Variants in DPYD observed in about 807,000 individuals in gnomAD.
DPYD encodes dihydropyrimidine dehydrogenase [NADP(+)].
DPYD carries 109 observed loss-of-function variants against 116.2 expected under a neutral mutation model. The ratio of observed to expected loss-of-function variants is 0.94; its 90% confidence interval spans 0.80 to 1.10. The LOEUF (loss-of-function observed/expected upper bound fraction) is 1.10, where lower values mean the gene tolerates loss of function less well. DPYD is among the 50% of genes least tolerant of loss of function. The probability of loss-of-function intolerance (pLI) is 0.00; values close to 1 mark genes in which losing one functional copy is unlikely to be tolerated. For missense variants in DPYD, 1,302 were observed against 1,254.5 expected (o/e 1.04, Z -0.57); for synonymous variants, 440 against 432.0 (o/e 1.02, Z -0.23).
chr1:97,730,883 G>GA (rs113743840), intron 4 of DPYD, among the ~76,000 whole-genome samples: 2 of 148,508 alleles, frequency 1.3e-5, no homozygotes, highest in Non-Finnish European at 1.5e-5. Context: ...CATTAGAGTT[G>GA]AAAAAAAAAG....
chr1:97,631,604 A>C (rs573787921), intron 8 of DPYD, among the ~76,000 whole-genome samples: 1 of 152,146 alleles, frequency 6.6e-6, no homozygotes, highest in African/African-American at 2.4e-5. Context: ...AAAGGAACTA[A>C]GCCAGAGGAA....
chr1:97,626,066 G>A (rs892468580), intron 8 of DPYD, among the ~76,000 whole-genome samples: 2 of 152,052 alleles, frequency 1.3e-5, no homozygotes, highest in Non-Finnish European at 2.9e-5. Context: ...TATGGGCAAA[G>A]TGAGGTCAGA....
At chr1:97,689,181 AAATT>A (rs1177303253) in intron 7 of DPYD, among the ~76,000 whole-genome samples, 2 of 151,892 alleles carry the variant, frequency 1.3e-5, no homozygotes, top group East Asian at 3.8e-4. Context: ...TGACTTTAAA[AAATT>A]AATCTTAGAA....
At chr1:97,208,048 C>G (rs1437793626) in intron 19 of DPYD, among the ~76,000 whole-genome samples, 1 of 152,134 alleles carries the variant, frequency 6.6e-6, no homozygotes, top group African/African-American at 2.4e-5. Context: ...TGCACATGCC[C>G]AGTAAAGGCC....
In DPYD at chr1:97,799,537, A is replaced by C. The variant is rs924662111; in HGVS notation, c.233+28577T>G. ...AGGTGAAGTACAAATTATGTGATCT[A>C]TCATAACCTGAAATAAACATATGTT... On this transcript the variant is annotated intron_variant, in intron 3 of 22. Transcript: ENST00000370192. 4.6e-5 allele frequency among the ~76,000 whole-genome samples: 7 copies of C among 152,076 alleles called. No homozygotes were observed. In the South Asian group the frequency reaches 1.2e-3, roughly 27 times the overall value.
chr1:97,850,144 G>C (rs1670500593), intron 2 of DPYD, among the ~76,000 whole-genome samples: 1 of 152,196 alleles, frequency 6.6e-6, no homozygotes, highest in Non-Finnish European at 1.5e-5. Flanking sequence ...AAGCTGAGCT[G>C]TCTAAGGGAA....
At chr1:97,652,057 A>G (rs1658613962) in intron 8 of DPYD, among the ~76,000 whole-genome samples, 1 of 152,118 alleles carries the variant, frequency 6.6e-6, no homozygotes, top group Non-Finnish European at 1.5e-5. Context: ...ATAATAGAGA[A>G]TGATCAATTT....
rs188273442 is a variant in DPYD, at chr1:97,173,208, A to G, written c.2622+19861T>C. Among the ~76,000 whole-genome samples the G allele has an allele frequency of 2.8e-3, 391 of 138,532 alleles. 2 individuals are homozygous for G. Among genetic ancestry groups the G allele is most frequent in the African/African-American group, 8.3e-3 (321 of 38,854 alleles). The allele number at this position is 138,532 out of a possible 152,430, so 90.9% of individuals were successfully genotyped here. ...TATATATGTGTATATATGTGTACAT[A>G]TATACACATATACGTACATATATGC... On this transcript the variant is annotated intron_variant, in intron 20 of 22. Coordinates refer to ENST00000370192, the MANE Select transcript of DPYD (RefSeq NM_000110.4).
chr1:97,583,758 C>T (rs1050459823), intron 10 of DPYD, among the ~76,000 whole-genome samples: 27 of 150,048 alleles, frequency 1.8e-4, no homozygotes, highest in African/African-American at 3.2e-4. Flanking sequence ...AAAAATGTGA[C>T]GCAATATTTT....
chr1:97,611,847 G>A (rs944913221), intron 8 of DPYD, among the ~76,000 whole-genome samples: 7 of 152,118 alleles, frequency 4.6e-5, no homozygotes, highest in East Asian at 1.9e-4. Flanking sequence ...AGTAGTGCTC[G>A]TGGTACTTAA....
intron 2 of DPYD, among the ~76,000 whole-genome samples, chr1:97,829,668 T>G (rs965835530): frequency 1.5e-4 from 23 of 152,144 alleles, no homozygotes; most frequent in African/African-American, 5.5e-4. Context: ...AAAATACACA[T>G]AATTTTTTGT....
chr1:97,116,309 C>CG (rs1226085599), intron 20 of DPYD, among the ~76,000 whole-genome samples: 6 of 152,086 alleles, frequency 3.9e-5, no homozygotes, highest in Admixed American at 1.3e-4. Context: ...TGCCTTTTAA[C>CG]GGGGGGGCTA....
At chr1:97,666,082 C>T (rs185904274) in intron 8 of DPYD, among the ~76,000 whole-genome samples, 31 of 152,252 alleles carry the variant, frequency 2.0e-4, no homozygotes, top group African/African-American at 7.5e-4. Flanking sequence ...TAAAACCATT[C>T]ATTAATAGTG....
Position 97,237,509 on chromosome 1 carries a change from T to G in DPYD, c.2300-2515A>C, listed in dbSNP as rs556689019. Among the ~76,000 whole-genome samples, 5 of 152,286 alleles carry G rather than the reference T, an allele frequency of 3.3e-5. No individual in the cohort carries two copies. In the East Asian group the frequency reaches 9.7e-4, roughly 29 times the overall value. ...GATACAAAGTATTAAGTTGGGCAAATTAGAAACCGGACATTAAGATTCTAC... is the reference window on the plus strand; with the variant it reads ...GATACAAAGTATTAAGTTGGGCAAAGTAGAAACCGGACATTAAGATTCTAC... On this transcript the variant is annotated intron_variant, in intron 18 of 22. Coordinates refer to ENST00000370192, the MANE Select transcript of DPYD (RefSeq NM_000110.4).
intron 13 of DPYD, 141 bp downstream of exon 13, chr1:97,515,585 A>G: frequency 1.3e-6 from 1 of 754,900 alleles, no homozygotes; most frequent in Admixed American, 2.7e-5. Flanking sequence ...GAAAGAAACT[A>G]AAGATTAATG....
chr1:97,253,997 A>G (rs1384291217), intron 18 of DPYD, among the ~76,000 whole-genome samples: 5 of 152,186 alleles, frequency 3.3e-5, no homozygotes, highest in Non-Finnish European at 7.4e-5. Context: ...TCCTTTGTTG[A>G]ATGAACTAAA....
chr1:97,104,021 A>G (rs543531193), intron 20 of DPYD, among the ~76,000 whole-genome samples: 42 of 152,056 alleles, frequency 2.8e-4, no homozygotes, highest in Non-Finnish European at 5.9e-4. Flanking sequence ...ATAACACCTA[A>G]GTAATCTCCT....
chr1:97,756,171 G>C (rs1397094967), intron 3 of DPYD, among the ~76,000 whole-genome samples: 1 of 152,128 alleles, frequency 6.6e-6, no homozygotes, highest in Non-Finnish European at 1.5e-5. Context: ...AAAATAAACT[G>C]TGTAACCAAA....
chr1:97,134,975 T>A (rs1223740176), intron 20 of DPYD, among the ~76,000 whole-genome samples: 1 of 53,822 alleles, frequency 1.9e-5, no homozygotes, highest in Non-Finnish European at 3.6e-5. Context: ...CCAGGTGGGG[T>A]CTTATATATA....
Sources: allele counts gnomAD v4.1 joint callset (sites outside exome capture counted in the v4.1 genomes callset), GRCh38; gene constraint gnomAD v4.1.1; transcripts MANE v1.5; gene names NCBI Gene and HGNC (gene_info 2026-07-23, HGNC 2026-07-21).